Variants in IFT74 observed in about 807,000 individuals in gnomAD.
The protein encoded by IFT74 is intraflagellar transport protein 74 homolog.
A neutral mutation model predicts 96.7 loss-of-function variants in IFT74; 92 were observed. The ratio of observed to expected loss-of-function variants is 0.95; its 90% CI spans 0.80 to 1.13. IFT74 has a LOEUF of 1.13. Ranked by LOEUF, IFT74 falls within the 50% of genes most tolerant of loss-of-function variation. The probability of loss-of-function intolerance (pLI) is 0.00; values close to 1 mark genes in which losing one functional copy is unlikely to be tolerated. For synonymous variants in IFT74, 223 were observed against 213.2 expected, an observed-to-expected ratio of 1.05 and a Z score of -0.40; for missense variants, 811 against 698.2, an observed-to-expected ratio of 1.16 and a Z score of -1.82.
intron 2 of IFT74, among the ~76,000 whole-genome samples, chr9:26,973,210 CGGTT>C (rs1563942563): frequency 6.6e-6 from 1 of 152,110 alleles, no homozygotes; most frequent in East Asian, 1.9e-4. Flanking sequence ...AATGGTGTAA[CGGTT>C]GGGGACAACA....
intron 16 of IFT74, among the ~76,000 whole-genome samples, chr9:27,049,358 C>T (rs1051716064): frequency 6.6e-6 from 1 of 152,152 alleles, no homozygotes. Context: ...TTGACCAGTA[C>T]GGGCTAGAAT....
chr9:27,041,288 G>A (rs1819466010), intron 13 of IFT74, among the ~76,000 whole-genome samples: 1 of 152,034 alleles, frequency 6.6e-6, no homozygotes, highest in South Asian at 2.1e-4. Flanking sequence ...TCACGCATCT[G>A]GTTACCACAG....
chr9:27,039,901 G>T (rs1312651916), intron 13 of IFT74, among the ~76,000 whole-genome samples: 1 of 152,178 alleles, frequency 6.6e-6, no homozygotes, highest in Non-Finnish European at 1.5e-5. Context: ...ATAATGGTAT[G>T]TGAAAAGTAG....
intron 3 of IFT74, among the ~76,000 whole-genome samples, chr9:26,978,530 AT>A (rs1246154639): frequency 6.6e-6 from 1 of 152,176 alleles, no homozygotes; most frequent in African/African-American, 2.4e-5. Context: ...TACAGTTTGA[AT>A]TAGAAAGCTA....
intron 1 of IFT74, among the ~76,000 whole-genome samples, chr9:26,957,738 G>A (rs557776580): frequency 1.2e-4 from 19 of 152,036 alleles, no homozygotes; most frequent in Admixed American, 2.0e-4. Flanking sequence ...CAGAAAAGTA[G>A]TACTGGACAT....
chr9:26,948,444 C>CATT (rs1228760884), intron 1 of IFT74, among the ~76,000 whole-genome samples: 25 of 81,000 alleles, frequency 3.1e-4, no homozygotes, highest in African/African-American at 5.3e-4. Flanking sequence ...GATGGCTTTC[C>CATT]ATTATTTTTT....
intron 13 of IFT74, 139 bp from the exon 14 acceptor site, chr9:27,044,603 T>C (rs567808298): frequency 3.5e-6 from 2 of 565,506 alleles, no homozygotes; most frequent in East Asian, 3.1e-5. Context: ...CTATAAGTCA[T>C]TGTAAAAGAA....
chr9:27,003,881 C>G (rs546032924), intron 8 of IFT74, among the ~76,000 whole-genome samples: 2 of 152,258 alleles, frequency 1.3e-5, no homozygotes, highest in African/African-American at 4.8e-5. Context: ...AGGTAGTTTA[C>G]CTATGTTTAA....
chr9:27,008,535 T>C (rs920762876), intron 8 of IFT74, among the ~76,000 whole-genome samples: 9 of 152,108 alleles, frequency 5.9e-5, no homozygotes, highest in African/African-American at 2.2e-4. Context: ...ATTTTTGTAC[T>C]TTTAGTAGAG....
At chr9:27,053,678 C>T (rs1169386924) in intron 16 of IFT74, among the ~76,000 whole-genome samples, 1 of 152,152 alleles carries the variant, frequency 6.6e-6, no homozygotes, top group African/African-American at 2.4e-5. Context: ...GGAAGATAAA[C>T]TTTACCCTAT....
intron 9 of IFT74, among the ~76,000 whole-genome samples, 190 bp from the exon 10 acceptor site, chr9:27,011,716 A>G (rs1326586396): frequency 1.3e-5 from 2 of 151,820 alleles, no homozygotes; most frequent in Non-Finnish European, 2.9e-5. Flanking sequence ...GAAAAATAGA[A>G]ATAATGAAGT....
intron 12 of IFT74, among the ~76,000 whole-genome samples, chr9:27,024,512 A>AC (rs1168354055): frequency 6.6e-6 from 1 of 152,172 alleles, no homozygotes. Context: ...ACGAATCTGA[A>AC]CAGCAGTCCT....
intron 10 of IFT74, among the ~76,000 whole-genome samples, chr9:27,014,312 C>G (rs142964808): frequency 1.4e-3 from 219 of 152,254 alleles, no homozygotes; most frequent in African/African-American, 5.0e-3. Flanking sequence ...GATGGAAATA[C>G]GCTTAAAGAA....
chr9:27,047,420 T>A (rs1247721525), intron 15 of IFT74, 49 bp downstream of exon 15: 2 of 1,161,238 alleles, frequency 1.7e-6, no homozygotes, highest in African/African-American at 1.6e-5. Flanking sequence ...TTGCCGTGAT[T>A]AACTTTCCAA....
At chr9:26,979,339 G>A (rs957518952) in intron 3 of IFT74, among the ~76,000 whole-genome samples, 1 of 152,034 alleles carries the variant, frequency 6.6e-6, no homozygotes, top group African/African-American at 2.4e-5. Context: ...ATATTTATAT[G>A]TTTAATAGTA....
At chr9:26,981,282 T>A (rs1827364590) in intron 4 of IFT74, among the ~76,000 whole-genome samples, 1 of 152,242 alleles carries the variant, frequency 6.6e-6, no homozygotes, top group South Asian at 2.1e-4. Context: ...AGTCTCACTC[T>A]GTTGCCCAGG....
intron 6 of IFT74, 21 bp from the exon 7 acceptor site, chr9:26,988,648 T>G (rs758744951): frequency 3.2e-5 from 49 of 1,534,422 alleles, no homozygotes; most frequent in Non-Finnish European, 4.3e-5. Flanking sequence ...GGTGTTTGTT[T>G]GTTTGTATTT....
At chr9:26,998,039 T>A (rs1003857828) in intron 8 of IFT74, 4 of 1,613,690 alleles carry the variant, frequency 2.5e-6, no homozygotes, top group Non-Finnish European at 3.4e-6. Flanking sequence ...ACTGGAGAGG[T>A]TACCAAAACC....
chr9:27,050,874 T>G (rs530986438), intron 16 of IFT74, among the ~76,000 whole-genome samples: 10 of 152,082 alleles, frequency 6.6e-5, no homozygotes, highest in African/African-American at 2.4e-4. Context: ...CCCTAGAACT[T>G]AAAGTATAAT....
Sources: gnomAD v4.1 joint callset for allele counts (sites outside exome capture counted in the v4.1 genomes callset) on GRCh38, gnomAD v4.1.1 for gene constraint, MANE v1.5 for transcripts, NCBI Gene and HGNC (gene_info 2026-07-23, HGNC 2026-07-21) for gene names.